Variants in TP53I13 observed in about 807,000 individuals in gnomAD.
The protein encoded by TP53I13 is tumor protein p53-inducible protein 13.
A neutral mutation model predicts 39.1 loss-of-function variants in TP53I13; 27 were observed. The observed-to-expected ratio is 0.69, with a 90% CI of 0.51 to 0.95. The LOEUF (loss-of-function observed/expected upper bound fraction) is 0.95. Among genes scored for constraint, TP53I13 ranks in the 40% least tolerant of loss-of-function variants. The pLI, the probability that TP53I13 is intolerant of heterozygous loss-of-function variation, is 0.00. For missense variants in TP53I13, 544 were observed against 520.4 expected (o/e 1.05, Z -0.44); for synonymous variants, 230 against 224.6 (o/e 1.02, Z -0.22).
chr17:29,573,354 C>G (rs1203219143), downstream of TP53I13: 1 of 160,456 alleles, frequency 6.2e-6, no homozygotes, highest in African/African-American at 2.4e-5. Context: ...ACTAACTCTT[C>G]CACTAGACAG....
upstream of TP53I13, chr17:29,566,655 G>A: frequency 6.2e-7 from 1 of 1,603,884 alleles, no homozygotes; most frequent in Non-Finnish European, 8.5e-7. Context: ...TCTGCAGGTG[G>A]GGCCCGGAGA....
downstream of TP53I13, chr17:29,576,233 G>A (rs752228476): frequency 1.9e-6 from 3 of 1,608,092 alleles, no homozygotes; most frequent in Admixed American, 5.0e-5. Flanking sequence ...GCTGTGGAAA[G>A]GCTGCAGCCG....
chr17:29,578,729 AC>A, the TP53I13 span: 1 of 1,613,006 alleles, frequency 6.2e-7, no homozygotes, highest in Non-Finnish European at 8.5e-7. Context: ...GAGCAGACTT[AC>A]CGCCTGCAGC....
the TP53I13 span, among the ~76,000 whole-genome samples, chr17:29,579,623 G>A: frequency 1.3e-5 from 2 of 151,894 alleles, no homozygotes; most frequent in Non-Finnish European, 2.9e-5. Context: ...TGTAGTCCCA[G>A]CTACTCAAGA....
chr17:29,578,324 C>T, the TP53I13 span: 1 of 1,614,132 alleles, frequency 6.2e-7, no homozygotes. Context: ...TTCGATCCAC[C>T]TCGTCATACA....
downstream of TP53I13, chr17:29,575,671 G>A (rs2033166214): frequency 6.2e-7 from 1 of 1,612,802 alleles, no homozygotes. The surrounding 1 kb of genome is among the most constrained non-coding windows in gnomAD (Gnocchi z 5.5). Flanking sequence ...CATAGTCACT[G>A]TCGGCTCCAC....
chr17:29,568,140 C>T (rs929067036), upstream of TP53I13: 1 of 152,212 alleles, frequency 6.6e-6, no homozygotes, highest in Non-Finnish European at 1.5e-5. This position sits in a 1 kb window ranked among gnomAD's most constrained non-coding sequence, Gnocchi z 4.5. Context: ...GCGGAGACAC[C>T]TCCCGAGGCT....
intron 6 of TP53I13, 50 bp from the exon 7 acceptor site, chr17:29,572,762 C>T: frequency 1.1e-5 from 16 of 1,510,788 alleles, no homozygotes; most frequent in Non-Finnish European, 1.4e-5. Flanking sequence ...CGCCGCCCCC[C>T]GTAGCTTCCC....
At position 29,573,039 on chromosome 17, in the gene TP53I13, C is replaced by G. The variant is rs924423344; in HGVS notation, c.*115C>G. The G allele has an allele frequency of 6.0e-6, 5 of 836,474 alleles. No individual in the cohort carries two copies. Among genetic ancestry groups the G allele is most frequent in the African/African-American group, 5.4e-5 (3 of 55,136 alleles). 51.8% of individuals were successfully genotyped at this position (836,474 alleles called of 1,614,324 possible). On this transcript the variant is annotated 3_prime_UTR_variant, in exon 7 of 7. Transcript: ENST00000301057. ...CTGGTGGCGATGGCGCGGCACTGGC[C>G]GAGCACTGCGGGGGCTTTCCTCCTT...
Position 29,572,492 on chromosome 17 carries a change from C to G in TP53I13, c.864C>G (p.Ser288=). ...PGGCVCSSQA[S]PAPRAAAPPR... ...GCTGTGTCTGTTCAAGTCAGGCTTC[C>G]CCGGCCCCTCGCGCAGCAGCGCCTC... The change falls in exon 6 of 7, where the codon TCC becomes TCG. Residue 288 remains serine (S), a synonymous_variant. Transcript: ENST00000301057. The G allele has an allele frequency of 6.2e-7, 1 of 1,602,610 alleles. No individual in the cohort carries two copies. Among genetic ancestry groups the G allele is most frequent in the Non-Finnish European group, 8.5e-7 (1 of 1,174,466 alleles).
At chr17:29,574,687 G>C (rs764101068), downstream of TP53I13, 1 of 1,596,246 alleles carries the variant, frequency 6.3e-7, no homozygotes, top group Non-Finnish European at 8.6e-7. Flanking sequence ...GCAGGTGAGG[G>C]TGTGGGGAGA....
At chr17:29,572,778 TC>T in intron 6 of TP53I13, 33 bp from the exon 7 acceptor site, 1 of 682,374 alleles carries the variant, frequency 1.5e-6, no homozygotes, top group Non-Finnish European at 2.3e-6. Context: ...TTCCCTGCCC[TC>T]CCGCCCTTGA....
At chr17:29,577,498 A>T, downstream of TP53I13, 1 of 703,650 alleles carries the variant, frequency 1.4e-6, no homozygotes, top group Non-Finnish European at 2.6e-6. Context: ...CAGCCTCCTG[A>T]CCTTCCCAAA....
downstream of TP53I13, chr17:29,573,320 A>C (rs1361653365): frequency 5.6e-6 from 1 of 177,190 alleles, no homozygotes; most frequent in Admixed American, 6.3e-5. Context: ...TTATCGTCAT[A>C]CATGTTAGCT....
At chr17:29,582,251 G>A in the TP53I13 span, 2 of 803,070 alleles carry the variant, frequency 2.5e-6, no homozygotes, top group Non-Finnish European at 2.0e-6. Flanking sequence ...CTCCAAGGAG[G>A]CCTGCCCAAA....
Position 29,572,016 on chromosome 17 carries a change from A to C in TP53I13, c.472A>C (p.Thr158Pro). The change falls in exon 5 of 7, where the codon ACT becomes CCT. Residue 158 changes from threonine to proline, a missense_variant. Thr to Pro is a conservative substitution (Grantham distance 38). Transcript: ENST00000301057. The part of the protein sequence containing the change: ...SLSGPAPSEP[T>P]PGRGRLCRRG... ...TTCAGGGCCTGCTCCCTCCGAGCCA[A>C]CTCCCGGTAGAGGGAGGCTGTGCCG... 3 of 1,613,092 alleles carry C rather than the reference A, an allele frequency of 1.9e-6. No homozygotes were observed. The highest frequency in any genetic ancestry group is 2.5e-6 in the Non-Finnish European group (3 of 1,179,990).
At chr17:29,566,353 C>T, upstream of TP53I13, 2 of 1,611,108 alleles carry the variant, frequency 1.2e-6, no homozygotes, top group East Asian at 2.2e-5. Flanking sequence ...AGGCTGCAGC[C>T]GGGGGCTGAC....
chr17:29,574,873 G>T, downstream of TP53I13: 1 of 1,584,562 alleles, frequency 6.3e-7, no homozygotes, highest in Non-Finnish European at 8.6e-7. Flanking sequence ...CGCTGGCGTT[G>T]AGCAGCCGCA....
At chr17:29,576,474 C>G (rs934188748), downstream of TP53I13, 2 of 1,612,982 alleles carry the variant, frequency 1.2e-6, no homozygotes, top group African/African-American at 1.3e-5. Context: ...GTGCTGTCAA[C>G]CCCCTGGAGT....
Sources: gnomAD v4.1 joint callset for allele counts (sites outside exome capture counted in the v4.1 genomes callset) on GRCh38, gnomAD v4.1.1 for gene constraint, Gnocchi (gnomAD v3.1) non-coding constraint, MANE v1.5 for transcripts, NCBI Gene and HGNC (gene_info 2026-07-23, HGNC 2026-07-21) for gene names.